The following SFXN5 variants were observed in gnomAD, a reference collection of about 807,000 sequenced individuals.
SFXN5 encodes the protein sideroflexin-5.
Under a neutral mutation model 50.2 loss-of-function variants are expected in SFXN5, and 43 were observed. That is an observed-to-expected ratio of 0.86 (90% CI 0.67 to 1.11). The LOEUF (loss-of-function observed/expected upper bound fraction) is 1.11. Ranked by LOEUF, SFXN5 falls within the 50% of genes least tolerant of loss-of-function variation. The pLI, the probability that SFXN5 is intolerant of heterozygous loss-of-function variation, is 0.00. For missense variants in SFXN5, 463 were observed against 454.1 expected (o/e 1.02, Z -0.18); for synonymous variants, 203 against 185.8 (o/e 1.09, Z -0.75).
chr2:73,064,496 T>G (rs1559223008), intron 1 of SFXN5, among the ~76,000 whole-genome samples: 1 of 152,222 alleles, frequency 6.6e-6, no homozygotes, highest in Non-Finnish European at 1.5e-5. Flanking sequence ...ACTCACTGTC[T>G]CGCCTATAGG....
chr2:73,011,997 A>G (rs1675560790), intron 6 of SFXN5, among the ~76,000 whole-genome samples: 1 of 152,232 alleles, frequency 6.6e-6, no homozygotes, highest in Admixed American at 6.5e-5. Flanking sequence ...ACACTGGAGG[A>G]GAGGGTGCCA....
At chr2:72,956,932 A>G (rs1673155976) in intron 13 of SFXN5, 2 of 436,958 alleles carry the variant, frequency 4.6e-6, no homozygotes, top group African/African-American at 2.0e-5. Context: ...TGCCATGTCT[A>G]GCTATGCCAC....
At chr2:72,972,165 T>C (rs996737059) in intron 10 of SFXN5, among the ~76,000 whole-genome samples, 2 of 152,130 alleles carry the variant, frequency 1.3e-5, no homozygotes, top group Non-Finnish European at 2.9e-5. Flanking sequence ...TTCCCAGAAA[T>C]TTGCCTCCCT....
chr2:73,053,262 G>A (rs1018628036), intron 2 of SFXN5: 2 of 154,182 alleles, frequency 1.3e-5, no homozygotes, highest in Non-Finnish European at 2.9e-5. Flanking sequence ...AACTTCCCAG[G>A]AATTATGGTA....
intron 2 of SFXN5, among the ~76,000 whole-genome samples, chr2:73,048,060 GTA>G (rs1354414323): frequency 2.0e-5 from 3 of 152,132 alleles, no homozygotes; most frequent in Admixed American, 2.0e-4. Flanking sequence ...ATAGGTAAAA[GTA>G]TATACTTCAG....
chr2:73,045,420 G>T (rs930859384), intron 2 of SFXN5, among the ~76,000 whole-genome samples: 1 of 151,978 alleles, frequency 6.6e-6, no homozygotes, highest in African/African-American at 2.4e-5. Flanking sequence ...TGAGTCCAGC[G>T]TAACACAGAA....
intron 6 of SFXN5, among the ~76,000 whole-genome samples, chr2:73,001,900 C>A (rs2105699948): frequency 6.6e-6 from 1 of 152,240 alleles, no homozygotes. Context: ...GGTTGGGTTG[C>A]AGATTACTTT....
intron 11 of SFXN5, 138 bp downstream of exon 11, chr2:72,971,432 G>A: frequency 1.7e-6 from 1 of 598,014 alleles, no homozygotes; most frequent in Non-Finnish European, 3.0e-6. Flanking sequence ...TTGGAGGTGG[G>A]GGTGGGGTGA....
intron 6 of SFXN5, among the ~76,000 whole-genome samples, chr2:73,017,332 T>C (rs753032936): frequency 2.0e-5 from 3 of 152,074 alleles, no homozygotes; most frequent in Non-Finnish European, 4.4e-5. Context: ...TTTAAACTAT[T>C]CCCCTCTCCT....
At chr2:72,969,013 G>T (rs965927526) in intron 11 of SFXN5, among the ~76,000 whole-genome samples, 1 of 152,046 alleles carries the variant, frequency 6.6e-6, no homozygotes, top group Admixed American at 6.5e-5. Context: ...TCGCCATGTT[G>T]GCCAGGCTGG....
Position 72,960,460 on chromosome 2 carries a change from C to T in SFXN5, c.945+671G>A, listed in dbSNP as rs1271351866. Among the ~76,000 whole-genome samples, 2 of 152,124 alleles carry T rather than the reference C, an allele frequency of 1.3e-5. No individual in the cohort carries two copies. Among genetic ancestry groups the T allele is most frequent in the African/African-American group, 4.8e-5 (2 of 41,416 alleles). ...CATGCCCACTGCCAACAGCCTGGTCCAAGCCGCCATCACCGCTTGCTGGAT... is the reference window on the plus strand; with the variant it reads ...CATGCCCACTGCCAACAGCCTGGTCTAAGCCGCCATCACCGCTTGCTGGAT... On this transcript the variant is annotated intron_variant, in intron 13 of 13. Transcript: ENST00000272433. The surrounding 1 kb of genome is among the most constrained non-coding windows in gnomAD (Gnocchi z 6.1).
chr2:72,965,223 G>A (rs1054896475), intron 12 of SFXN5, among the ~76,000 whole-genome samples: 2 of 152,192 alleles, frequency 1.3e-5, no homozygotes, highest in Admixed American at 6.5e-5. Context: ...GACAGACGCC[G>A]GCAGGCCACC....
chr2:72,972,754 G>A (rs1435868648), intron 10 of SFXN5, among the ~76,000 whole-genome samples: 1 of 152,232 alleles, frequency 6.6e-6, no homozygotes, highest in Non-Finnish European at 1.5e-5. Flanking sequence ...CCCCCAAAGC[G>A]CCTTGCTGTG....
At chr2:73,029,137 C>T (rs1189554123) in intron 3 of SFXN5, among the ~76,000 whole-genome samples, 1 of 152,132 alleles carries the variant, frequency 6.6e-6, no homozygotes, top group African/African-American at 2.4e-5. Flanking sequence ...CCCGAGCCTC[C>T]CACGGAGAAT....
At chr2:73,036,026 G>A (rs1678930168) in intron 3 of SFXN5, among the ~76,000 whole-genome samples, 1 of 152,214 alleles carries the variant, frequency 6.6e-6, no homozygotes, top group African/African-American at 2.4e-5. Flanking sequence ...AGGCCTGCAG[G>A]CCTCAGGACC....
At chr2:73,069,753 A>T (rs946746260) in intron 1 of SFXN5, among the ~76,000 whole-genome samples, 2 of 152,172 alleles carry the variant, frequency 1.3e-5, no homozygotes, top group African/African-American at 4.8e-5. Flanking sequence ...CGTATTTGAT[A>T]AATGTCTGTT....
intron 2 of SFXN5, among the ~76,000 whole-genome samples, chr2:73,042,995 G>T (rs1023726499): frequency 6.6e-6 from 1 of 152,204 alleles, no homozygotes; most frequent in Non-Finnish European, 1.5e-5. Flanking sequence ...TTGAACCTGG[G>T]GGGCAAAGGT....
chr2:72,947,866 G>A (rs894129951), intron 13 of SFXN5, among the ~76,000 whole-genome samples: 53 of 61,556 alleles, frequency 8.6e-4, no homozygotes, highest in East Asian at 2.5e-3. Context: ...GGCTCCCCTC[G>A]TCCCCACGCT....
chr2:72,969,765 G>T (rs1024273154), intron 11 of SFXN5, among the ~76,000 whole-genome samples: 1 of 151,422 alleles, frequency 6.6e-6, no homozygotes, highest in Non-Finnish European at 1.5e-5. Context: ...CTTGGCTCTG[G>T]ATGAGTCTTT....
Sources: gnomAD v4.1 joint callset for allele counts (sites outside exome capture counted in the v4.1 genomes callset) on GRCh38, gnomAD v4.1.1 for gene constraint, Gnocchi (gnomAD v3.1) non-coding constraint, MANE v1.5 for transcripts, NCBI Gene and HGNC (gene_info 2026-07-23, HGNC 2026-07-21) for gene names.